The following PHKA1 variants were observed in gnomAD, a reference collection of about 807,000 sequenced individuals.
PHKA1 encodes the protein phosphorylase kinase regulatory subunit alpha 1, also known as phosphorylase b kinase regulatory subunit alpha, skeletal muscle isoform.
PHKA1 carries 60 observed loss-of-function variants against 110.2 expected under a neutral mutation model. That is an observed-to-expected ratio of 0.54 (90% CI 0.44 to 0.68). The LOEUF is 0.68. Among genes scored for constraint, PHKA1 ranks in the 30% least tolerant of loss-of-function variants. PHKA1 has a pLI of 0.00. For synonymous variants in PHKA1, 316 were observed against 333.6 expected (o/e 0.95, Z 0.58); for missense variants, 801 against 942.5 (o/e 0.85, Z 1.97).
chrX:72,701,187 C>G (rs1556329396), intron 3 of PHKA1, among the ~76,000 whole-genome samples: 1 of 112,221 alleles, frequency 8.9e-6, no homozygotes, highest in East Asian at 2.8e-4. Flanking sequence ...GAATGGTGTG[C>G]TTTCCTTTAA....
intron 3 of PHKA1, among the ~76,000 whole-genome samples, chrX:72,704,751 C>T (rs989554709): frequency 6.3e-5 from 7 of 111,091 alleles, no homozygotes; most frequent in Non-Finnish European, 1.1e-4. Flanking sequence ...CAACCATGCG[C>T]GGCTAATTTT....
intron 6 of PHKA1, among the ~76,000 whole-genome samples, chrX:72,669,531 T>TC (rs2053655677): frequency 3.2e-5 from 1 of 30,808 alleles, no homozygotes; most frequent in Non-Finnish European, 5.5e-5. Context: ...CCCTCCCCCC[T>TC]CCCCCCACCC....
At chrX:72,713,694 A>ACC in intron 1 of PHKA1, 109 bp downstream of exon 1, 1 of 602,538 alleles carries the variant, frequency 1.7e-6, no homozygotes, top group Non-Finnish European at 2.8e-6. Context: ...ACACACACAC[A>ACC]CACACACCCA....
At chrX:72,686,307 A>G (rs1556318851) in intron 4 of PHKA1, among the ~76,000 whole-genome samples, 1 of 112,229 alleles carries the variant, frequency 8.9e-6, no homozygotes, top group Non-Finnish European at 1.9e-5. Flanking sequence ...CACCACTGCC[A>G]AATCTCTCTG....
At position 72,644,445 on chromosome X, in the gene PHKA1, C is replaced by T; in HGVS notation, c.1376G>A (p.Gly459Glu). 1.7e-6 allele frequency: 2 copies of T among 1,208,581 alleles called. No individual in the cohort carries two copies. Among genetic ancestry groups the T allele is most frequent in the Non-Finnish European group, 2.2e-6 (2 of 893,065 alleles). Residue 459 changes from glycine (G) to glutamate (E), a missense_variant, in exon 14 of 32, where the codon GGA becomes GAA. Around this residue, in one of 2 missense-constraint regions of PHKA1, gnomAD observed 299 missense variants for 423.3 expected, o/e 0.71. Coordinates refer to ENST00000373542, the MANE Select transcript of PHKA1 (RefSeq NM_002637.4). ...EEIKTILKDKGIYVETIAEVY... is the reference protein window; with the variant it reads ...EEIKTILKDKEIYVETIAEVY... ...CTCAGCAATGGTCTCCACGTAAATT[C>T]CCTTGTCCTTCAAAATGGTCTTGAT...
chrX:72,680,285 A>T (rs1415166179), intron 5 of PHKA1, among the ~76,000 whole-genome samples: 1 of 112,251 alleles, frequency 8.9e-6, no homozygotes, highest in African/African-American at 3.2e-5. Flanking sequence ...AAGTGCTGGG[A>T]TTACAGGCAT....
chrX:72,668,421 A>T (rs1556307292), intron 6 of PHKA1, among the ~76,000 whole-genome samples: 3 of 112,551 alleles, frequency 2.7e-5, no homozygotes, highest in Non-Finnish European at 1.9e-5. Flanking sequence ...TATCACTAGC[A>T]GTATATGACA....
chrX:72,638,365 G>A (rs4825956), intron 14 of PHKA1, among the ~76,000 whole-genome samples: 1 of 96,213 alleles, frequency 1.0e-5, no homozygotes, highest in Admixed American at 1.2e-4. Context: ...CACAGTGAGA[G>A]CTTCTCTCAA....
At chrX:72,657,493 AAG>A in intron 9 of PHKA1, 93 bp downstream of exon 9, 1 of 621,854 alleles carries the variant, frequency 1.6e-6, no homozygotes, top group Non-Finnish European at 2.7e-6. Flanking sequence ...TGATCTCTAT[AAG>A]TACCATCAGT....
At chrX:72,610,463 G>A (rs1456033223) in intron 22 of PHKA1, among the ~76,000 whole-genome samples, 1 of 111,496 alleles carries the variant, frequency 9.0e-6, no homozygotes, top group East Asian at 2.8e-4. Flanking sequence ...TACTATTTTT[G>A]ATGCAGAATA....
Position 72,609,708 on chromosome X carries a change from C to A in PHKA1, c.2527-5G>T. 1 of 1,154,075 alleles carries A rather than the reference C, an allele frequency of 8.7e-7. No individual in the cohort carries two copies. The highest frequency in any genetic ancestry group is 1.8e-5 in the South Asian group (1 of 55,607). On this transcript the variant is annotated splice_polypyrimidine_tract_variant and splice_region_variant and intron_variant, in intron 22 of 31. Transcript: ENST00000373542. The stretch of plus-strand genomic sequence containing the variant: ...GGAGAGAAGGTCTGTGCAGGCCTAA[C>A]AAGAGATAGCATAATATTATCGTTT...
chrX:72,606,249 C>T (rs2052726142), intron 23 of PHKA1, among the ~76,000 whole-genome samples: 1 of 111,500 alleles, frequency 9.0e-6, no homozygotes, highest in African/African-American at 3.3e-5. Context: ...CAGCATCCCA[C>T]CCCTACAATG....
chrX:72,690,925 G>A (rs1053069971), intron 4 of PHKA1, among the ~76,000 whole-genome samples: 3 of 111,431 alleles, frequency 2.7e-5, no homozygotes, highest in East Asian at 2.8e-4. Context: ...ACACCACCAC[G>A]CCTGGCTAAT....
At chrX:72,710,884 C>T (rs1202911494) in intron 2 of PHKA1, among the ~76,000 whole-genome samples, 5 of 99,918 alleles carry the variant, frequency 5.0e-5, no homozygotes, top group Admixed American at 3.4e-4. Flanking sequence ...TTTTTTGAGA[C>T]GGAGTCTCGC....
intron 4 of PHKA1, among the ~76,000 whole-genome samples, chrX:72,688,404 C>T (rs1213020469): frequency 4.5e-5 from 5 of 112,336 alleles, no homozygotes; most frequent in Middle Eastern, 4.7e-3. Context: ...TTTATCTTGT[C>T]ATCTTTGTGT....
At chrX:72,664,382 A>G (rs1248420934) in intron 8 of PHKA1, among the ~76,000 whole-genome samples, 1 of 111,928 alleles carries the variant, frequency 8.9e-6, no homozygotes, top group African/African-American at 3.2e-5. Flanking sequence ...AGGTTATAAT[A>G]ATTGTAAATA....
At chrX:72,652,468 T>G in intron 12 of PHKA1, 76 bp downstream of exon 12, 8 of 600,132 alleles carry the variant, frequency 1.3e-5, no homozygotes, top group African/African-American at 2.2e-5. Context: ...TCAGATTTAA[T>G]GAGCTACTTA....
chrX:72,648,709 A>G (rs1417879167), intron 13 of PHKA1, among the ~76,000 whole-genome samples: 11 of 111,759 alleles, frequency 9.8e-5, no homozygotes, highest in Non-Finnish European at 1.9e-5. Context: ...TAGATGAACA[A>G]CCATGAGGTA....
rs144813238 is a variant in PHKA1, at chrX:72,581,163, C to T, written c.3511G>A (p.Ala1171Thr). 3.3e-4 allele frequency: 394 copies of T among 1,186,589 alleles called. No homozygotes were observed. The highest frequency in any genetic ancestry group is 4.3e-4 in the Non-Finnish European group (379 of 874,428). Residue 1171 changes from alanine to threonine, a missense_variant, in exon 32 of 32, where the codon GCA becomes ACA. Physicochemically the swap from Ala to Thr is moderately conservative, Grantham distance 58. Around this residue, in one of 2 missense-constraint regions of PHKA1, gnomAD observed 502 missense variants for 519.2 expected, o/e 0.97. Transcript: ENST00000373542. ...TCCTTTGCCAACATGGTATCATCTG[C>T]GCCAAGGGTTTTCTGTTTGGTTTTT... ...LFLQEQKTLGADDTMLAKDPA... is the reference protein window; with the variant it reads ...LFLQEQKTLGTDDTMLAKDPA...
Sources: allele counts gnomAD v4.1 joint callset (sites outside exome capture counted in the v4.1 genomes callset), GRCh38; gene constraint gnomAD v4.1.1; regional missense constraint gnomAD v4.1.1; transcripts MANE v1.5; gene names NCBI Gene and HGNC (gene_info 2026-07-23, HGNC 2026-07-21).